Variants in POMT2 observed in about 807,000 individuals in gnomAD.
POMT2 encodes the protein protein O-mannosyltransferase 2.
Under a neutral mutation model 100.0 loss-of-function variants are expected in POMT2, and 75 were observed. The ratio of observed to expected loss-of-function variants is 0.75; its 90% CI spans 0.62 to 0.91. POMT2 has a LOEUF of 0.91. POMT2 is among the 40% of genes least tolerant of loss of function. The pLI, the probability that POMT2 is intolerant of heterozygous loss-of-function variation, is 0.00. For synonymous variants in POMT2, 378 were observed against 374.1 expected, an observed-to-expected ratio of 1.01 and a Z score of -0.12; for missense variants, 940 against 955.1, an observed-to-expected ratio of 0.98 and a Z score of 0.21.
Position 77,280,142 on chromosome 14 carries a change from G to A in POMT2, c.1726-62C>T, listed in dbSNP as rs372734114. ...GCCCATCCTCGGCCACACCCATTAG[G>A]GGGAGGAAGATGGTCACCTTCCACA... On this transcript the variant is annotated intron_variant, in intron 16 of 20. Coordinates refer to ENST00000261534, the MANE Select transcript of POMT2 (RefSeq NM_013382.7). 4 of 1,612,032 alleles carry A rather than the reference G, an allele frequency of 2.5e-6. No individual in the cohort carries two copies. In the Admixed American group the frequency reaches 5.0e-5, roughly 20 times the overall value.
In POMT2 at chr14:77,302,900, G is replaced by A. The variant is rs780975762; in HGVS notation, c.591C>T (p.Pro197=). The A allele has an allele frequency of 1.9e-6, 3 of 1,613,948 alleles. No homozygotes were observed. Among genetic ancestry groups the A allele is most frequent in the East Asian group, 2.2e-5 (1 of 44,876 alleles). Residue 197 remains proline, a synonymous_variant, in exon 5 of 21, where the codon CCC becomes CCT. Transcript: ENST00000261534. ...CAGCCATGATGAAGAACATCAGGAT[G>A]GGGTCAAGGAGGATGTACTGGGACA... ...LTLSQYILLD[P]ILMFFIMAAM...
At chr14:77,295,477 G>A (rs7492980) in intron 9 of POMT2, among the ~76,000 whole-genome samples, 126,138 of 151,744 alleles carry the variant, frequency 0.83, 52,623 homozygotes, top group East Asian at 0.95. Flanking sequence ...CTAAAAATAC[G>A]AAAAATTAGC....
Position 77,278,868 on chromosome 14 carries a change from C to CTT in POMT2, c.1892_1893insAA (p.Leu632SerfsTer26). The CTT allele has an allele frequency of 6.2e-7, 1 of 1,613,032 alleles. No individual in the cohort carries two copies. Among genetic ancestry groups the CTT allele is most frequent in the African/African-American group, 1.3e-5 (1 of 75,060 alleles). On this transcript the variant is annotated frameshift_variant and splice_region_variant, in exon 19 of 21. Transcript: ENST00000261534. LOFTEE classifies it high-confidence loss of function. ...CTCCTCGAAGCAGGACCTGGGACAA[C>CTT]CCTGGGCCCAAGCAGCACAGCCCAG...
intron 11 of POMT2, 126 bp downstream of exon 11, chr14:77,288,636 C>T (rs1329542708): frequency 1.2e-6 from 1 of 802,468 alleles, no homozygotes; most frequent in African/African-American, 1.7e-5. Context: ...TTCTCCCATT[C>T]TCGCACTGTG....
At position 77,301,094 on chromosome 14, in the gene POMT2, G is replaced by A. The variant is rs1488071044; in HGVS notation, c.812C>T (p.Ser271Leu). 6.2e-7 allele frequency: 1 copy of A among 1,614,098 alleles called. No individual in the cohort carries two copies. The highest frequency in any genetic ancestry group is 1.3e-5 in the African/African-American group (1 of 75,020). ...LWYLFGDLSL[S>L]LVTVGKHLTA... The stretch of plus-strand genomic sequence containing the variant: ...AGCAAACCCTTGGGTGCTCACCAAT[G>A]AAAGACTGAGGTCTCCGAACAGGTA... The change falls in exon 6 of 21, where the codon TCA becomes TTA. Residue 271 changes from serine (S) to leucine (L), a missense_variant. Coordinates refer to ENST00000261534, the MANE Select transcript of POMT2 (RefSeq NM_013382.7).
At chr14:77,301,342 C>T (rs1644753271) in intron 5 of POMT2, 93 bp from the exon 6 acceptor site, 12 of 1,523,650 alleles carry the variant, frequency 7.9e-6, no homozygotes, top group South Asian at 3.4e-5. Context: ...AGACTTGGAG[C>T]GGCTGTGCTG....
At chr14:77,308,688 C>T (rs1891326205) in intron 2 of POMT2, 6 of 421,854 alleles carry the variant, frequency 1.4e-5, no homozygotes, top group South Asian at 1.0e-4. Context: ...CGTACCAGTG[C>T]TGGCAATGAT....
chr14:77,286,850 T>C (rs1890444009), intron 11 of POMT2, 28 bp from the exon 12 acceptor site: 2 of 1,614,132 alleles, frequency 1.2e-6, no homozygotes, highest in African/African-American at 2.7e-5. Context: ...GAAGTGTCAT[T>C]ATCCTATAGA....
chr14:77,309,358 T>C (rs1891358244), intron 2 of POMT2, among the ~76,000 whole-genome samples: 1 of 152,176 alleles, frequency 6.6e-6, no homozygotes, highest in African/African-American at 2.4e-5. Flanking sequence ...AAGTTCCAGG[T>C]GCCCAGGGTT....
chr14:77,318,961 C>G (rs143134381), intron 1 of POMT2, among the ~76,000 whole-genome samples: 153 of 152,274 alleles, frequency 1.0e-3, no homozygotes, highest in African/African-American at 3.5e-3. Flanking sequence ...GTCTCGAACT[C>G]CTGACCTCAG....
At chr14:77,287,059 C>A in intron 11 of POMT2, 1 of 736,204 alleles carries the variant, frequency 1.4e-6, no homozygotes, top group Non-Finnish European at 2.0e-6. Context: ...GGACGGCATG[C>A]CAAGAAAGGG....
chr14:77,279,255 T>C, intron 18 of POMT2: 1 of 377,948 alleles, frequency 2.6e-6, no homozygotes, highest in Non-Finnish European at 5.1e-6. Flanking sequence ...AGTGAGGAGG[T>C]GTCTGGGACT....
chr14:77,311,468 C>G (rs1185295845), intron 2 of POMT2, among the ~76,000 whole-genome samples: 3 of 152,182 alleles, frequency 2.0e-5, no homozygotes, highest in African/African-American at 4.8e-5. Flanking sequence ...TAAAGAATCC[C>G]CACACCCATT....
In POMT2 at chr14:77,301,188, A is replaced by T; in HGVS notation, c.718T>A (p.Leu240Ile). 1 of 1,614,220 alleles carries T rather than the reference A, an allele frequency of 6.2e-7. No individual in the cohort carries two copies. The highest frequency in any genetic ancestry group is 8.5e-7 in the Non-Finnish European group (1 of 1,180,032). ...AAGAGGCCAACAAACTTGACCCCTAAAGCACCAGCAAGACTAACGCCAGTC... is the reference window on the plus strand; with the variant it reads ...AAGAGGCCAACAAACTTGACCCCTATAGCACCAGCAAGACTAACGCCAGTC... Reference protein sequence around the residue: ...SLTGVSLAGALGVKFVGLFII... With the variant: ...SLTGVSLAGAIGVKFVGLFII... The change falls in exon 6 of 21, where the codon TTA becomes ATA. Residue 240 changes from leucine to isoleucine, a missense_variant. Physicochemically the swap from Leu to Ile is conservative, Grantham distance 5. Coordinates refer to ENST00000261534, the MANE Select transcript of POMT2 (RefSeq NM_013382.7).
At chr14:77,283,064 C>T (rs1367787040) in intron 15 of POMT2, among the ~76,000 whole-genome samples, 3 of 152,146 alleles carry the variant, frequency 2.0e-5, no homozygotes, top group Non-Finnish European at 2.9e-5. Flanking sequence ...TTTCTTAAAC[C>T]TTTGATGCTA....
intron 15 of POMT2, among the ~76,000 whole-genome samples, chr14:77,283,502 C>G (rs1189183026): frequency 1.3e-5 from 2 of 152,212 alleles, no homozygotes; most frequent in African/African-American, 4.8e-5. Context: ...TCTCCTGTAA[C>G]TGGGAATGAT....
At chr14:77,314,512 T>C (rs1891557930) in intron 1 of POMT2, among the ~76,000 whole-genome samples, 1 of 152,112 alleles carries the variant, frequency 6.6e-6, no homozygotes, top group South Asian at 2.1e-4. Flanking sequence ...CCTGACAGTG[T>C]GGAGACAAGC....
At chr14:77,312,984 A>T (rs1891494183) in intron 1 of POMT2, among the ~76,000 whole-genome samples, 1 of 152,254 alleles carries the variant, frequency 6.6e-6, no homozygotes, top group African/African-American at 2.4e-5. Flanking sequence ...TTTGCAAGTA[A>T]ATAAGTGATT....
intron 1 of POMT2, among the ~76,000 whole-genome samples, chr14:77,316,845 G>A (rs186083610): frequency 1.3e-5 from 2 of 152,316 alleles, no homozygotes; most frequent in Admixed American, 1.3e-4. Flanking sequence ...ATGGCAGTAA[G>A]GATTGAAGCA....
Sources: gnomAD v4.1 joint callset for allele counts (sites outside exome capture counted in the v4.1 genomes callset) on GRCh38, gnomAD v4.1.1 for gene constraint, MANE v1.5 for transcripts, NCBI Gene and HGNC (gene_info 2026-07-23, HGNC 2026-07-21) for gene names.